B4GALT2: variants seen among roughly 807,000 people sequenced by gnomAD.
B4GALT2 encodes the protein N-acetyllactosamine synthase.
B4GALT2 carries 18 observed loss-of-function variants against 33.2 expected under a neutral mutation model. The ratio of observed to expected loss-of-function variants is 0.54; its 90% CI spans 0.38 to 0.80. The LOEUF (loss-of-function observed/expected upper bound fraction) is 0.80, where lower values mean the gene tolerates loss of function less well. Ranked by LOEUF, B4GALT2 falls within the 30% of genes least tolerant of loss-of-function variation. The pLI is 0.00. For missense variants in B4GALT2, 404 were observed against 526.2 expected (o/e 0.77, Z 2.27); for synonymous variants, 214 against 217.6 (o/e 0.98, Z 0.15).
chr1:43,982,792 A>G lies in B4GALT2; in HGVS notation c.549+868A>G, dbSNP rs1209416169. On this transcript the variant is annotated intron_variant, in intron 3 of 6. Coordinates refer to ENST00000372324, the MANE Select transcript of B4GALT2 (RefSeq NM_003780.5). The surrounding 1 kb of genome is among the most constrained non-coding windows in gnomAD (Gnocchi z 4.3). ...GCACCATGTAAGGTTGTAAGGAGAG[A>G]GTGACTTGCGTGTTTGCTTTGTAGA... 6.6e-6 allele frequency among the ~76,000 whole-genome samples: 1 copy of G among 152,170 alleles called. No homozygotes were observed. Among genetic ancestry groups the G allele is most frequent in the African/African-American group, 2.4e-5 (1 of 41,434 alleles).
At chr1:43,987,589 C>T (rs1025977091) in intron 6 of B4GALT2, among the ~76,000 whole-genome samples, 1 of 152,142 alleles carries the variant, frequency 6.6e-6, no homozygotes, top group Admixed American at 6.5e-5. Context: ...TTTGCTTTCC[C>T]CCTTTACTAC....
rs967773704 is a variant in B4GALT2 at position 43,982,209 on chromosome 1, T to G, written c.549+285T>G. On this transcript the variant is annotated intron_variant, in intron 3 of 6. Coordinates refer to ENST00000372324, the MANE Select transcript of B4GALT2 (RefSeq NM_003780.5). The surrounding 1 kb of genome is among the most constrained non-coding windows in gnomAD (Gnocchi z 4.3). ...TTGGGTATGCTGTAGGAGGAGATGT[T>G]GAGGGCCCTGAGGAGAGGGAGTTAG... Among the ~76,000 whole-genome samples the G allele has an allele frequency of 1.3e-5, 2 of 152,070 alleles. No homozygotes were observed. The highest frequency in any genetic ancestry group is 4.8e-5 in the African/African-American group (2 of 41,424).
chr1:43,985,448 G>GGC, intron 5 of B4GALT2, 48 bp downstream of exon 5: 4 of 855,308 alleles, frequency 4.7e-6, no homozygotes. Flanking sequence ...GGGGGAGGGG[G>GGC]GGTGCAGACT....
chr1:43,988,440 C>T (rs1184411079), intron 6 of B4GALT2, among the ~76,000 whole-genome samples: 1 of 151,520 alleles, frequency 6.6e-6, no homozygotes, highest in Non-Finnish European at 1.5e-5. Context: ...GGCAGATCAC[C>T]TGAGGTCAGT....
rs765290207 is a variant in B4GALT2 at position 43,981,938 on chromosome 1, G to C, written c.549+14G>C. 16 of 1,611,684 alleles carry C rather than the reference G, an allele frequency of 9.9e-6. No individual in the cohort carries two copies. The African/African-American group carries it at 1.7e-4, about 17-fold the overall frequency. ...GTCATCAACCAGGTGCCCATGCGGG[G>C]GTCCATGTGCCTGTTGGTGTATATA... On this transcript the variant is annotated intron_variant, in intron 3 of 6. Coordinates refer to ENST00000372324, the MANE Select transcript of B4GALT2 (RefSeq NM_003780.5). This position sits in a 1 kb window ranked among gnomAD's most constrained non-coding sequence, Gnocchi z 8.1.
chr1:43,989,087 C>T (rs2085692839), intron 6 of B4GALT2, among the ~76,000 whole-genome samples: 1 of 152,090 alleles, frequency 6.6e-6, no homozygotes, highest in African/African-American at 2.4e-5. Context: ...TGGCTCATGC[C>T]TATAATCCCA....
intron 1 of B4GALT2, chr1:43,980,554 C>T: frequency 1.0e-6 from 1 of 994,554 alleles, no homozygotes; most frequent in Non-Finnish European, 1.2e-6. Flanking sequence ...GACCAAACCA[C>T]TTCCCACCAT....
chr1:43,981,212 C>A lies in B4GALT2; in HGVS notation c.52C>A (p.Leu18Ile). 6.2e-7 allele frequency: 1 copy of A among 1,603,932 alleles called. No homozygotes were observed. The highest frequency in any genetic ancestry group is 8.5e-7 in the Non-Finnish European group (1 of 1,179,868). ...GGAGCGCGTCTGCAAGGCTGTGCTCCTTCTCTGCCTGCTGCACTTCCTCGT... is the reference window on the plus strand; with the variant it reads ...GGAGCGCGTCTGCAAGGCTGTGCTCATTCTCTGCCTGCTGCACTTCCTCGT... ...TLERVCKAVLLLCLLHFLVAV... is the reference protein window; with the variant it reads ...TLERVCKAVLILCLLHFLVAV... The change falls in exon 2 of 7, where the codon CTT becomes ATT. Residue 18 changes from leucine (L) to isoleucine (I), a missense_variant. Physicochemically the swap from Leu to Ile is conservative, Grantham distance 5 (BLOSUM62 2). Transcript: ENST00000372324. This position sits in a 1 kb window ranked among gnomAD's most constrained non-coding sequence, Gnocchi z 8.1.
chr1:43,985,978 C>T (rs1260370495), intron 6 of B4GALT2: 1 of 318,888 alleles, frequency 3.1e-6, no homozygotes, highest in Non-Finnish European at 6.0e-6. Flanking sequence ...TGTGGGACCC[C>T]TGCCGGGGCA....
At chr1:43,985,093 C>A (rs1480956704) in intron 4 of B4GALT2, 38 bp downstream of exon 4, 4 of 1,604,112 alleles carry the variant, frequency 2.5e-6, no homozygotes, top group Non-Finnish European at 2.6e-6. Flanking sequence ...AGCCCTCCTG[C>A]CCCCACCAGA....
At position 43,989,566 on chromosome 1, in the gene B4GALT2, T is replaced by G. The variant is rs987765554; in HGVS notation, c.969-732T>G. On this transcript the variant is annotated intron_variant, in intron 6 of 6. Transcript: ENST00000372324. Reference sequence around the variant, plus strand: ...CGGAGGGGGTCCTGACATATGCATATCGAACAAACATGCATGTTATATACC... The same window carrying G: ...CGGAGGGGGTCCTGACATATGCATAGCGAACAAACATGCATGTTATATACC... 3.3e-5 allele frequency among the ~76,000 whole-genome samples: 5 copies of G among 152,330 alleles called. No homozygotes were observed. The South Asian group carries it at 1.0e-3, about 32-fold the overall frequency.
chr1:43,988,677 C>T (rs926623013), intron 6 of B4GALT2, among the ~76,000 whole-genome samples: 4 of 150,750 alleles, frequency 2.7e-5, no homozygotes, highest in East Asian at 2.0e-4. Context: ...AAAAAGAGAG[C>T]GTCTCAAAAA....
rs759552530 is a variant in B4GALT2, at chr1:43,984,888, G to C, written c.573G>C (p.Arg191=). The change falls in exon 4 of 7, where the codon CGG becomes CGC. Residue 191 remains arginine, a synonymous_variant. Transcript: ENST00000372324. This position sits in a 1 kb window ranked among gnomAD's most constrained non-coding sequence, Gnocchi z 5.6. The part of the protein sequence containing the change: ...INQHGEDTFN[R]AKLLNVGFLE... The stretch of plus-strand genomic sequence containing the variant: ...AGCATGGTGAGGACACCTTCAACCG[G>C]GCCAAGCTGCTTAACGTGGGCTTCC... 3.7e-6 allele frequency: 6 copies of C among 1,613,828 alleles called. No homozygotes were observed. Among genetic ancestry groups the C allele is most frequent in the Non-Finnish European group, 5.1e-6 (6 of 1,179,982 alleles).
rs113054083 is a variant in B4GALT2, at chr1:43,985,515, A to C, written c.864-2A>C. On this transcript the variant is annotated splice_acceptor_variant, in intron 5 of 6. Coordinates refer to ENST00000372324, the MANE Select transcript of B4GALT2 (RefSeq NM_003780.5). LOFTEE classifies it high-confidence loss of function. Reference sequence around the variant, plus strand: ...TTCCAGTCTGTCCGTCCCCATCCTCAGGATCTCCCTGACTGGGATGAAGAT... The same window carrying C: ...TTCCAGTCTGTCCGTCCCCATCCTCCGGATCTCCCTGACTGGGATGAAGAT... 1 of 1,611,242 alleles carries C rather than the reference A, an allele frequency of 6.2e-7. No individual in the cohort carries two copies. The highest frequency in any genetic ancestry group is 8.5e-7 in the Non-Finnish European group (1 of 1,179,426).
Position 43,985,436 on chromosome 1 carries a change from G to T in B4GALT2, c.863+36G>T, listed in dbSNP as rs535592648. ...ACGCGGTGGGGAATAGGCTGGGTGG[G>T]GGGGGGAGGGGGGGTGCAGACTGGG... On this transcript the variant is annotated intron_variant, in intron 5 of 6. Transcript: ENST00000372324. 3.1e-4 allele frequency: 243 copies of T among 773,602 alleles called. 8 individuals are homozygous for T. Among genetic ancestry groups the T allele is most frequent in the East Asian group, 2.4e-3 (74 of 30,330 alleles). 47.9% of individuals were successfully genotyped at this position (773,602 alleles called of 1,614,324 possible). A position where few individuals can be genotyped will look rare whatever the true frequency, so the allele number is the denominator to read the frequency against.
chr1:43,980,631 C>T (rs1557649558), intron 1 of B4GALT2: 1 of 972,494 alleles, frequency 1.0e-6, no homozygotes, highest in East Asian at 1.0e-4. Context: ...GCACAGTATT[C>T]CGTCTCTTCC....
At position 43,981,262 on chromosome 1, in the gene B4GALT2, C is replaced by G. The variant is rs780266757; in HGVS notation, c.102C>G (p.Val34=). Residue 34 remains valine, a synonymous_variant, in exon 2 of 7, where the codon GTC becomes GTG. Transcript: ENST00000372324. The surrounding 1 kb of genome is among the most constrained non-coding windows in gnomAD (Gnocchi z 8.1). Reference sequence around the variant, plus strand: ...TGGCCGTCATCCTCTACTTTGACGTCTACGCCCAGCACCTGGCCTTCTTCA... The same window carrying G: ...TGGCCGTCATCCTCTACTTTGACGTGTACGCCCAGCACCTGGCCTTCTTCA... ...FLVAVILYFD[V]YAQHLAFFSR... is the part of the protein sequence containing the mutation. The G allele has an allele frequency of 6.2e-7, 1 of 1,606,888 alleles. No individual in the cohort carries two copies. The highest frequency in any genetic ancestry group is 1.7e-5 in the Admixed American group (1 of 60,022).
At position 43,984,760 on chromosome 1, in the gene B4GALT2, A is replaced by G. The variant is rs1045709660; in HGVS notation, c.550-105A>G. The stretch of plus-strand genomic sequence containing the variant: ...TCCTGAGAGCCTGGAGGAGCCATGC[A>G]GCGAGGGGGCTGGTAGATCCCCAGA... On this transcript the variant is annotated intron_variant, in intron 3 of 6. Coordinates refer to ENST00000372324, the MANE Select transcript of B4GALT2 (RefSeq NM_003780.5). The surrounding 1 kb of genome is among the most constrained non-coding windows in gnomAD (Gnocchi z 5.6). 7.5e-5 allele frequency: 90 copies of G among 1,199,802 alleles called. 1 individual carries two copies. The Admixed American group carries it at 2.0e-3, about 27-fold the overall frequency. The allele number at this position is 1,199,802 out of a possible 1,614,324, so 74.3% of individuals were successfully genotyped here.
chr1:43,979,832 C>G lies in B4GALT2; in HGVS notation c.-53+321C>G. ...CACCCACTCCCCCTGCCCCCAGGCT[C>G]CACACCCACCCGGTCTGTGCGGCCT... On this transcript the variant is annotated intron_variant, in intron 1 of 6. Coordinates refer to ENST00000372324, the MANE Select transcript of B4GALT2 (RefSeq NM_003780.5). This position sits in a 1 kb window ranked among gnomAD's most constrained non-coding sequence, Gnocchi z 4.8. The G allele has an allele frequency of 1.6e-6, 1 of 623,798 alleles. No individual in the cohort carries two copies. 38.6% of individuals were successfully genotyped at this position (623,798 alleles called of 1,614,324 possible).
Sources: gnomAD v4.1 joint callset for allele counts (sites outside exome capture counted in the v4.1 genomes callset) on GRCh38, gnomAD v4.1.1 for gene constraint, Gnocchi (gnomAD v3.1) non-coding constraint, MANE v1.5 for transcripts, NCBI Gene and HGNC (gene_info 2026-07-23, HGNC 2026-07-21) for gene names.